NFIC: variants seen among roughly 807,000 people sequenced by gnomAD.
NFIC encodes nuclear factor 1 C-type.
NFIC carries 12 observed loss-of-function variants against 54.4 expected under a neutral mutation model. The observed-to-expected ratio is 0.22, with a 90% CI of 0.14 to 0.36. NFIC has a LOEUF of 0.36. Ranked by LOEUF, NFIC falls within the 10% of genes least tolerant of loss-of-function variation. The pLI is 1.00. For synonymous variants in NFIC, 322 were observed against 319.2 expected (o/e 1.01, Z -0.09); for missense variants, 575 against 718.2 (o/e 0.80, Z 2.28).
Position 3,449,059 on chromosome 19 carries a change from T to A in NFIC, c.1004T>A (p.Phe335Tyr). Residue 335 changes from phenylalanine (F) to tyrosine (Y), a missense_variant, in exon 7 of 11, where the codon TTC becomes TAC. Physicochemically the swap from Phe to Tyr is conservative, Grantham distance 22. Coordinates refer to ENST00000443272, the MANE Select transcript of NFIC (RefSeq NM_001245002.2). ...VKKTEMDKSP[F>Y]NSPSPQDSPR... is the part of the protein sequence containing the mutation. ...AAGACAGAGATGGACAAGTCACCAT[T>A]CAACAGCCCGTCCCCCCAGGACTCT... 6.2e-7 allele frequency: 1 copy of A among 1,613,276 alleles called. No individual in the cohort carries two copies. Among genetic ancestry groups the A allele is most frequent in the Non-Finnish European group, 8.5e-7 (1 of 1,179,732 alleles).
At chr19:3,450,865 G>A (rs1233177958) in intron 7 of NFIC, among the ~76,000 whole-genome samples, 1 of 152,178 alleles carries the variant, frequency 6.6e-6, no homozygotes, top group South Asian at 2.1e-4. Context: ...CTGGCCCCCT[G>A]GTTGCCTGTT....
Position 3,369,827 on chromosome 19 carries a change from C to A in NFIC, c.30+3161C>A, listed in dbSNP as rs554102056. ...CAAGTCCCTCTTGGCCGCAGCGTGGCGGATTCCCCGAGCCACCTCCATCCC... is the reference window on the plus strand; with the variant it reads ...CAAGTCCCTCTTGGCCGCAGCGTGGAGGATTCCCCGAGCCACCTCCATCCC... On this transcript the variant is annotated intron_variant, in intron 1 of 10. Transcript: ENST00000443272. This position sits in a 1 kb window ranked among gnomAD's most constrained non-coding sequence, Gnocchi z 4.3. Among the ~76,000 whole-genome samples the A allele has an allele frequency of 6.6e-6, 1 of 152,206 alleles. No individual in the cohort carries two copies. Among genetic ancestry groups the A allele is most frequent in the African/African-American group, 2.4e-5 (1 of 41,456 alleles).
intron 7 of NFIC, among the ~76,000 whole-genome samples, chr19:3,449,911 C>T (rs1227869834): frequency 1.3e-5 from 2 of 151,808 alleles, no homozygotes; most frequent in East Asian, 3.9e-4. Context: ...AAAAATTAGC[C>T]GAGTGTGGTG....
At chr19:3,379,525 T>C (rs1001192097) in intron 1 of NFIC, among the ~76,000 whole-genome samples, 2 of 151,936 alleles carry the variant, frequency 1.3e-5, no homozygotes, top group Non-Finnish European at 2.9e-5. Context: ...TTTGTATTTT[T>C]AGTAAAGATG....
intron 3 of NFIC, among the ~76,000 whole-genome samples, chr19:3,430,931 C>CAAAAAAAAAAAAAAA (rs59760975): frequency 4.9e-4 from 39 of 80,120 alleles, no homozygotes; most frequent in Middle Eastern, 7.1e-3. Context: ...GACTCCGTCT[C>CAAAAAAAAAAAAAAA]AAAAAAAAAA....
At chr19:3,441,704 G>A (rs910424863) in intron 6 of NFIC, among the ~76,000 whole-genome samples, 6 of 152,200 alleles carry the variant, frequency 3.9e-5, no homozygotes, top group African/African-American at 9.6e-5. Flanking sequence ...AGGAAGGGCC[G>A]GAGGGGCTGG....
chr19:3,468,680 C>T lies in NFIC; in HGVS notation c.*5911C>T, dbSNP rs547253072. 2 of 151,628 alleles carry T rather than the reference C, an allele frequency of 1.3e-5. No homozygotes were observed. The highest frequency in any genetic ancestry group is 3.4e-3 in the Middle Eastern group (1 of 294). 9.4% of individuals were successfully genotyped at this position (151,628 alleles called of 1,614,324 possible). A position where few individuals can be genotyped will look rare whatever the true frequency, so the allele number is the denominator to read the frequency against. Reference sequence around the variant, plus strand: ...CCCCTTTACTCTTTGGGTGGTGTTGCTTTTCCTTTCCTTTTCCCTTTGAGA... The same window carrying T: ...CCCCTTTACTCTTTGGGTGGTGTTGTTTTTCCTTTCCTTTTCCCTTTGAGA... On this transcript the variant is annotated 3_prime_UTR_variant, in exon 11 of 11. Coordinates refer to ENST00000443272, the MANE Select transcript of NFIC (RefSeq NM_001245002.2).
intron 10 of NFIC, 104 bp from the exon 11 acceptor site, chr19:3,462,648 G>A (rs2082658269): frequency 7.7e-7 from 1 of 1,291,584 alleles, no homozygotes; most frequent in Non-Finnish European, 1.1e-6. Flanking sequence ...AGGAGGTGGG[G>A]GGTGAGCGTG....
chr19:3,390,657 C>T (rs2081362839), intron 2 of NFIC, among the ~76,000 whole-genome samples: 3 of 152,128 alleles, frequency 2.0e-5, no homozygotes, highest in African/African-American at 7.2e-5. Flanking sequence ...GCCTGGTATA[C>T]AGTAAGCACT....
At chr19:3,404,100 A>C (rs570342862) in intron 2 of NFIC, among the ~76,000 whole-genome samples, 3 of 148,856 alleles carry the variant, frequency 2.0e-5, no homozygotes, top group Admixed American at 6.7e-5. Context: ...CCGTGGGCAC[A>C]TGTGGCTCCC....
In NFIC at chr19:3,381,870, C is replaced by T. The variant is rs776303793; in HGVS notation, c.189C>T (p.Gly63=). Residue 63 remains glycine (G), a synonymous_variant, in exon 2 of 11, where the codon GGC becomes GGT. Transcript: ENST00000443272. ...GTGCGGTCAAGGACGAGCTGCTGGG[C>T]GAGAAGCCCGAGGTCAAGCAGAAGT... is the stretch of plus-strand genomic sequence containing the variant. ...EERAVKDELL[G]EKPEVKQKWA... is the part of the protein sequence containing the mutation. 2 of 1,613,982 alleles carry T rather than the reference C, an allele frequency of 1.2e-6. No individual in the cohort carries two copies. The highest frequency in any genetic ancestry group is 1.1e-5 in the South Asian group (1 of 91,088).
chr19:3,363,238 T>TGTGTGTGC (rs1237685097), upstream of NFIC, among the ~76,000 whole-genome samples: 3,174 of 64,322 alleles, frequency 0.049, 267 homozygotes, highest in Non-Finnish European at 0.058. Flanking sequence ...TGTGTATGTG[T>TGTGTGTGC]GTGTATATAT....
At chr19:3,451,484 A>G (rs1182115513) in intron 7 of NFIC, among the ~76,000 whole-genome samples, 3 of 151,730 alleles carry the variant, frequency 2.0e-5, no homozygotes, top group African/African-American at 7.3e-5. Flanking sequence ...AATACAAAAA[A>G]TTAACCAGGC....
intron 7 of NFIC, 66 bp downstream of exon 7, chr19:3,449,205 G>T: frequency 6.4e-7 from 1 of 1,557,216 alleles, no homozygotes. Flanking sequence ...TCACAGCCGG[G>T]GAAGTCCCAC....
At chr19:3,368,943 G>GTGTGTGTGTC (rs1568397058) in intron 1 of NFIC, among the ~76,000 whole-genome samples, 1 of 138,734 alleles carries the variant, frequency 7.2e-6, no homozygotes. Flanking sequence ...GTGTGTGTGT[G>GTGTGTGTGTC]TGTGTCTGTT....
At chr19:3,429,538 C>G (rs530164756) in intron 3 of NFIC, among the ~76,000 whole-genome samples, 1 of 152,242 alleles carries the variant, frequency 6.6e-6, no homozygotes, top group African/African-American at 2.4e-5. Context: ...CTGCAGTGAG[C>G]TATGATTGCA....
At chr19:3,382,482 G>A (rs1242156435) in intron 2 of NFIC, among the ~76,000 whole-genome samples, 1 of 152,076 alleles carries the variant, frequency 6.6e-6, no homozygotes, top group Non-Finnish European at 1.5e-5. Flanking sequence ...GCGAGTCTAG[G>A]AGAATATGTA....
chr19:3,364,791 TAGG>T (rs1308919402), upstream of NFIC, among the ~76,000 whole-genome samples: 4 of 152,308 alleles, frequency 2.6e-5, no homozygotes, highest in Admixed American at 2.6e-4. Context: ...TCTGGAAGTC[TAGG>T]AGGAGTGTCT....
chr19:3,454,944 G>A (rs1173938264), intron 9 of NFIC, among the ~76,000 whole-genome samples: 2 of 152,168 alleles, frequency 1.3e-5, no homozygotes, highest in Non-Finnish European at 2.9e-5. Flanking sequence ...ATCCACCCTG[G>A]GCTGGAATCC....
Sources: gnomAD v4.1 joint callset for allele counts (sites outside exome capture counted in the v4.1 genomes callset) on GRCh38, gnomAD v4.1.1 for gene constraint, Gnocchi (gnomAD v3.1) non-coding constraint, MANE v1.5 for transcripts, NCBI Gene and HGNC (gene_info 2026-07-23, HGNC 2026-07-21) for gene names.